The following PRKDC variants were observed in gnomAD, a reference collection of about 807,000 sequenced individuals.
PRKDC encodes DNA-dependent protein kinase catalytic subunit.
A neutral mutation model predicts 486.9 loss-of-function variants in PRKDC; 82 were observed. The observed-to-expected ratio is 0.17, with a 90% CI of 0.14 to 0.20. The LOEUF (loss-of-function observed/expected upper bound fraction) is 0.20. Among genes scored for constraint, PRKDC ranks in the 10% least tolerant of loss-of-function variants. PRKDC has a pLI of 1.00. For missense variants in PRKDC, 4,504 were observed against 5,038.2 expected, an observed-to-expected ratio of 0.89 and a Z score of 3.21; for synonymous variants, 1,895 against 1,837.0, an observed-to-expected ratio of 1.03 and a Z score of -0.81.
Position 47,958,185 on chromosome 8 carries a change from TA to T in PRKDC, c.155-755del, listed in dbSNP as rs561647161. 2.4e-4 allele frequency among the ~76,000 whole-genome samples: 37 copies of T among 152,152 alleles called. No individual in the cohort carries two copies. The East Asian group carries it at 7.2e-3, about 29-fold the overall frequency. Reference sequence around the variant, plus strand: ...AAGCGGGAGATTCCAAACCTCTAGTTAGGGGGACTTGACATGCTGTTGCTGG... The same window carrying T: ...AAGCGGGAGATTCCAAACCTCTAGTTGGGGGACTTGACATGCTGTTGCTGG... On this transcript the variant is annotated intron_variant, in intron 1 of 85. Coordinates refer to ENST00000314191, the MANE Select transcript of PRKDC (RefSeq NM_006904.7).
At chr8:47,881,616 GTTAAT>G (rs2089219553) in intron 37 of PRKDC, 96 bp from the exon 38 acceptor site, 17 of 699,970 alleles carry the variant, frequency 2.4e-5, no homozygotes, top group African/African-American at 5.5e-5. Flanking sequence ...GAAATGAATT[GTTAAT>G]TTAATTTTGG....
At chr8:47,851,162 C>T (rs2088394352) in intron 52 of PRKDC, among the ~76,000 whole-genome samples, 1 of 152,140 alleles carries the variant, frequency 6.6e-6, no homozygotes, top group Admixed American at 6.5e-5. Flanking sequence ...ACGATAAATC[C>T]GTATCACTTT....
In PRKDC at chr8:47,821,759, G is replaced by C; in HGVS notation, c.8956C>G (p.Pro2986Ala). 1 of 1,590,642 alleles carries C rather than the reference G, an allele frequency of 6.3e-7. No individual in the cohort carries two copies. Among genetic ancestry groups the C allele is most frequent in the Non-Finnish European group, 8.5e-7 (1 of 1,170,272 alleles). ...CAAAAATCCTTCTCGGCTTCTGTGG[G>C]CTCACCATCTACCCAGTCTTGTTTA... ...LNKQDWVDGE[P>A]TEAEKDFWEL... Residue 2986 changes from proline to alanine, a missense_variant, in exon 65 of 86, where the codon CCC becomes GCC. Physicochemically the swap from Pro to Ala is conservative, Grantham distance 27. Transcript: ENST00000314191.
intron 74 of PRKDC, 86 bp from the exon 75 acceptor site, chr8:47,789,324 A>T: frequency 2.2e-6 from 1 of 447,934 alleles, no homozygotes; most frequent in Non-Finnish European, 3.5e-6. Flanking sequence ...TATATAAGTT[A>T]TATATTATAC....
intron 40 of PRKDC, among the ~76,000 whole-genome samples, chr8:47,872,647 T>G (rs1189575790): frequency 6.6e-6 from 1 of 152,052 alleles, no homozygotes; most frequent in Non-Finnish European, 1.5e-5. Flanking sequence ...TGTACTTACA[T>G]CAGACAAAAT....
chr8:47,891,026 A>G (rs909503864), intron 31 of PRKDC, among the ~76,000 whole-genome samples: 2 of 152,166 alleles, frequency 1.3e-5, no homozygotes, highest in African/African-American at 4.8e-5. Context: ...TATGGAATCA[A>G]CTTTCAGATC....
At chr8:47,854,750 C>A (rs919450131) in intron 50 of PRKDC, among the ~76,000 whole-genome samples, 2 of 152,152 alleles carry the variant, frequency 1.3e-5, no homozygotes. Flanking sequence ...TTTTTCTTTT[C>A]CCATATCCAA....
rs1245428623 is a variant in PRKDC, at chr8:47,893,198, G to A, written c.3788C>T (p.Ala1263Val). The A allele has an allele frequency of 1.4e-5, 22 of 1,613,024 alleles. No homozygotes were observed. The highest frequency in any genetic ancestry group is 1.7e-5 in the Admixed American group (1 of 59,874). Residue 1263 changes from alanine (A) to valine (V), a missense_variant, in exon 31 of 86, where the codon GCG (alanine) becomes GTG (valine). By Grantham distance (64) the Ala-to-Val change is moderately conservative. Around this residue, in one of 6 missense-constraint regions of PRKDC, gnomAD observed 1,969 missense variants for 2,068.9 expected, o/e 0.95. Coordinates refer to ENST00000314191, the MANE Select transcript of PRKDC (RefSeq NM_006904.7). ...AATGAACGTGTTGTAGCACTCCAAC[G>A]CGGCCAGGAGCAGGTCCAGCCAGCA... ...TLCWLDLLLA[A>V]LECYNTFIGE...
chr8:47,814,965 C>A (rs369703405), intron 68 of PRKDC, among the ~76,000 whole-genome samples: 1 of 152,026 alleles, frequency 6.6e-6, no homozygotes, highest in Non-Finnish European at 1.5e-5. Context: ...GAGTTACATA[C>A]CATCCTGGGC....
At position 47,893,405 on chromosome 8, in the gene PRKDC, A is replaced by C. The variant is rs1461607346; in HGVS notation, c.3599-18T>G. 1 of 1,482,894 alleles carries C rather than the reference A, an allele frequency of 6.7e-7. No individual in the cohort carries two copies. The highest frequency in any genetic ancestry group is 2.4e-5 in the East Asian group (1 of 42,366). 91.9% of individuals were successfully genotyped at this position (1,482,894 alleles called of 1,614,324 possible). On this transcript the variant is annotated intron_variant, in intron 30 of 85. Transcript: ENST00000314191. The stretch of plus-strand genomic sequence containing the variant: ...TCTGTTGCCTTTAAAAAGAAACAAA[A>C]TTAAAATGCACACATATACCTACAT...
intron 7 of PRKDC, among the ~76,000 whole-genome samples, chr8:47,950,351 C>T (rs565531926): frequency 6.7e-6 from 1 of 149,932 alleles, no homozygotes; most frequent in South Asian, 2.1e-4. Context: ...ATCGGCCAGG[C>T]ACAGTGGTTC....
chr8:47,935,195 T>G, intron 13 of PRKDC, 137 bp from the exon 14 acceptor site: 1 of 686,656 alleles, frequency 1.5e-6, no homozygotes, highest in Non-Finnish European at 2.4e-6. Context: ...CATTCACGGC[T>G]TTAATTTTAA....
At chr8:47,779,555 T>C (rs1437532974) in intron 80 of PRKDC, among the ~76,000 whole-genome samples, 1 of 152,212 alleles carries the variant, frequency 6.6e-6, no homozygotes, top group African/African-American at 2.4e-5. Flanking sequence ...ATGGATTATG[T>C]CTGTTTTTAT....
Position 47,778,462 on chromosome 8 carries a change from T to C in PRKDC, c.11850A>G (p.Thr3950=), listed in dbSNP as rs749085383. The change falls in exon 83 of 86, where the codon ACA becomes ACG. Residue 3950 remains threonine, a synonymous_variant. Transcript: ENST00000314191. The stretch of plus-strand genomic sequence containing the variant: ...CACGAGAGCACAGCAAGTGCACCTG[T>C]GTAGCGGATCCAAACGCATGCCCAA... ...IDFGHAFGSA[T]QFLPVPELMP... 2 of 1,611,976 alleles carry C rather than the reference T, an allele frequency of 1.2e-6. No individual in the cohort carries two copies. The highest frequency in any genetic ancestry group is 3.3e-5 in the Admixed American group (2 of 59,738).
At chr8:47,919,616 G>A (rs2090041716) in intron 21 of PRKDC, among the ~76,000 whole-genome samples, 1 of 152,138 alleles carries the variant, frequency 6.6e-6, no homozygotes, top group Admixed American at 6.5e-5. Context: ...CCTGGCAGTG[G>A]GATCTTAGCT....
intron 21 of PRKDC, among the ~76,000 whole-genome samples, chr8:47,919,074 A>G (rs1187024863): frequency 6.6e-6 from 1 of 152,134 alleles, no homozygotes; most frequent in Non-Finnish European, 1.5e-5. Flanking sequence ...GAATGCTTCA[A>G]TGTGTGTTTT....
chr8:47,888,313 T>C (rs2089379436), intron 34 of PRKDC, among the ~76,000 whole-genome samples: 1 of 152,202 alleles, frequency 6.6e-6, no homozygotes, highest in East Asian at 1.9e-4. Context: ...TTTATATTTA[T>C]AAATTTTTAC....
At chr8:47,929,223 A>T in intron 18 of PRKDC, 45 bp from the exon 19 acceptor site, 1 of 1,327,822 alleles carries the variant, frequency 7.5e-7, no homozygotes, top group East Asian at 2.5e-5. Flanking sequence ...AAGAATCGGG[A>T]GACTGTATCC....
Position 47,782,353 on chromosome 8 carries a change from T to G in PRKDC, c.11396+25A>C. 6.2e-7 allele frequency: 1 copy of G among 1,608,740 alleles called. No individual in the cohort carries two copies. Among genetic ancestry groups the G allele is most frequent in the Non-Finnish European group, 8.5e-7 (1 of 1,177,210 alleles). Reference sequence around the variant, plus strand: ...CGCCAAGCAATATGCAGCAGCCTACTGGCTGGGAGCAGCCTGGCAGTTACC... The same window carrying G: ...CGCCAAGCAATATGCAGCAGCCTACGGGCTGGGAGCAGCCTGGCAGTTACC... On this transcript the variant is annotated intron_variant, in intron 79 of 85. Coordinates refer to ENST00000314191, the MANE Select transcript of PRKDC (RefSeq NM_006904.7). This position sits in a 1 kb window ranked among gnomAD's most constrained non-coding sequence, Gnocchi z 4.9.
Sources: allele counts gnomAD v4.1 joint callset (sites outside exome capture counted in the v4.1 genomes callset), GRCh38; gene constraint gnomAD v4.1.1; regional missense constraint gnomAD v4.1.1; non-coding constraint Gnocchi (gnomAD v3.1); transcripts MANE v1.5; gene names NCBI Gene and HGNC (gene_info 2026-07-23, HGNC 2026-07-21).